The following COMMD10 variants were observed in gnomAD, a reference collection of about 807,000 sequenced individuals.
COMMD10 encodes COMM domain-containing protein 10.
In COMMD10, 33 loss-of-function variants were observed where a neutral mutation model predicts 28.9. The ratio of observed to expected loss-of-function variants is 1.14; its 90% CI spans 0.87 to 1.53. COMMD10 has a LOEUF of 1.53. Among genes scored for constraint, COMMD10 ranks in the 40% most tolerant of loss-of-function variants. The pLI is 0.00. For missense variants in COMMD10, 310 were observed against 233.4 expected, an observed-to-expected ratio of 1.33 and a Z score of -2.14; for synonymous variants, 110 against 81.7, an observed-to-expected ratio of 1.35 and a Z score of -1.87.
chr5:116,164,320 C>CAA lies in COMMD10; in HGVS notation c.510+30149_510+30150dup, dbSNP rs11436948. ...TGGGCAACACAGTGAAACTCGGTCT[C>CAA]AAAAAAAATAAAAATAAAATAAAAA... is the stretch of plus-strand genomic sequence containing the variant. On this transcript the variant is annotated intron_variant, in intron 5 of 6. Coordinates refer to ENST00000274458, the MANE Select transcript of COMMD10 (RefSeq NM_016144.4). 6.0e-3 allele frequency among the ~76,000 whole-genome samples: 905 copies of CAA among 149,646 alleles called. 9 individuals are homozygous for CAA. The highest frequency in any genetic ancestry group is 0.021 in the African/African-American group (878 of 41,172).
chr5:116,101,563 A>T (rs560128752), intron 4 of COMMD10, among the ~76,000 whole-genome samples: 1 of 152,160 alleles, frequency 6.6e-6, no homozygotes, highest in South Asian at 2.1e-4. Context: ...AGTAGCTGGG[A>T]TTACAGGCGC....
At chr5:116,190,639 A>T (rs953146139) in intron 5 of COMMD10, among the ~76,000 whole-genome samples, 6 of 152,206 alleles carry the variant, frequency 3.9e-5, no homozygotes, top group African/African-American at 1.2e-4. Context: ...TTGAGTTGGG[A>T]TTGTAAAGTC....
chr5:116,222,795 G>T (rs1014561318), intron 5 of COMMD10, among the ~76,000 whole-genome samples: 1 of 152,056 alleles, frequency 6.6e-6, no homozygotes, highest in African/African-American at 2.4e-5. Flanking sequence ...AGGTTTAAGC[G>T]ATTCTCCTGC....
intron 5 of COMMD10, among the ~76,000 whole-genome samples, chr5:116,220,280 T>A (rs1056332740): frequency 6.6e-6 from 1 of 152,216 alleles, no homozygotes; most frequent in Non-Finnish European, 1.5e-5. Flanking sequence ...TTCTGTCTCA[T>A]TCATGTTCTT....
chr5:116,239,664 A>G (rs1456209740), intron 5 of COMMD10, among the ~76,000 whole-genome samples: 1 of 152,208 alleles, frequency 6.6e-6, no homozygotes, highest in Non-Finnish European at 1.5e-5. Context: ...CTGTCATTTG[A>G]TCAGAATCTG....
At chr5:116,132,105 A>G (rs1228898059) in intron 4 of COMMD10, among the ~76,000 whole-genome samples, 2 of 151,990 alleles carry the variant, frequency 1.3e-5, no homozygotes, top group African/African-American at 4.8e-5. Flanking sequence ...TTAGAAGACT[A>G]TTGTGATAGT....
chr5:116,248,942 G>A (rs1750036056), intron 5 of COMMD10, among the ~76,000 whole-genome samples: 1 of 151,882 alleles, frequency 6.6e-6, no homozygotes, highest in Non-Finnish European at 1.5e-5. Flanking sequence ...CTTGTTTGGA[G>A]ATTTCTAAAA....
At chr5:116,218,047 A>G in intron 5 of COMMD10, 1 of 1,141,098 alleles carries the variant, frequency 8.8e-7, no homozygotes, top group Admixed American at 1.7e-5. Flanking sequence ...CAGCACCTTC[A>G]GCTTTCTGTG....
At chr5:116,178,782 T>G (rs1399855840) in intron 5 of COMMD10, among the ~76,000 whole-genome samples, 1 of 152,124 alleles carries the variant, frequency 6.6e-6, no homozygotes, top group East Asian at 1.9e-4. Flanking sequence ...GCACAAAAGT[T>G]AATGCCCTGA....
At chr5:116,256,264 G>T (rs1448010115) in intron 5 of COMMD10, among the ~76,000 whole-genome samples, 1 of 151,678 alleles carries the variant, frequency 6.6e-6, no homozygotes, top group Non-Finnish European at 1.5e-5. Flanking sequence ...TTGAAGACTA[G>T]TGGAAACTTC....
In COMMD10 at chr5:116,262,636, A is replaced by G. The variant is rs77521383; in HGVS notation, c.511-28881A>G. Among the ~76,000 whole-genome samples the G allele has an allele frequency of 1.8e-3, 268 of 151,964 alleles. 8 individuals are homozygous for G. Among genetic ancestry groups the G allele is most frequent in the African/African-American group, 6.4e-3 (266 of 41,324 alleles). On this transcript the variant is annotated intron_variant, in intron 5 of 6. Transcript: ENST00000274458. ...GTGAATTATTTTGTAAGTGTTGGTTATTAAGTCTGTGTATTCCCAAGATTT... is the reference window on the plus strand; with the variant it reads ...GTGAATTATTTTGTAAGTGTTGGTTGTTAAGTCTGTGTATTCCCAAGATTT...
intron 5 of COMMD10, among the ~76,000 whole-genome samples, chr5:116,263,815 T>G (rs1194216022): frequency 1.3e-5 from 2 of 151,780 alleles, no homozygotes; most frequent in Non-Finnish European, 2.9e-5. Flanking sequence ...CTTAAATCTA[T>G]TTGATTGATA....
At chr5:116,109,278 T>TA (rs1750960133) in intron 4 of COMMD10, among the ~76,000 whole-genome samples, 1 of 152,130 alleles carries the variant, frequency 6.6e-6, no homozygotes, top group Non-Finnish European at 1.5e-5. Context: ...GCATCTTGGT[T>TA]AAAAAAATAT....
In COMMD10 at chr5:116,115,026, A is replaced by T. The variant is rs368424277; in HGVS notation, c.400-19042A>T. 1.1e-3 allele frequency among the ~76,000 whole-genome samples: 165 copies of T among 152,202 alleles called. 3 individuals carry two copies. In the South Asian group the frequency reaches 0.031, roughly 29 times the overall value. On this transcript the variant is annotated intron_variant, in intron 4 of 6. Transcript: ENST00000274458. The stretch of plus-strand genomic sequence containing the variant: ...CAGGCCCCAGTTCAGCAAACCACAG[A>T]TTGAGTTACTCTGATACTTAGGACT...
At chr5:116,193,441 C>T (rs1344186978) in intron 5 of COMMD10, among the ~76,000 whole-genome samples, 1 of 152,120 alleles carries the variant, frequency 6.6e-6, no homozygotes, top group Non-Finnish European at 1.5e-5. Context: ...ACACCTAACA[C>T]ATAAGGACTC....
At position 116,292,447 on chromosome 5, in the gene COMMD10, A is replaced by G; in HGVS notation, c.571-4A>G. 2 of 1,494,472 alleles carry G rather than the reference A, an allele frequency of 1.3e-6. No homozygotes were observed. The highest frequency in any genetic ancestry group is 1.4e-5 in the South Asian group (1 of 71,062). The allele number at this position is 1,494,472 out of a possible 1,614,324, so 92.6% of individuals were successfully genotyped here. ...TCTTTTTTTTTTTTTGTCTTTGTAA[A>G]TAGCTAGAGACTATACAAGCACAGC... On this transcript the variant is annotated splice_polypyrimidine_tract_variant and splice_region_variant and intron_variant, in intron 6 of 6. Coordinates refer to ENST00000274458, the MANE Select transcript of COMMD10 (RefSeq NM_016144.4).
intron 5 of COMMD10, among the ~76,000 whole-genome samples, chr5:116,193,797 A>G (rs1171010373): frequency 6.6e-6 from 1 of 152,178 alleles, no homozygotes; most frequent in South Asian, 2.1e-4. Flanking sequence ...ATGAATTTGT[A>G]CCTTGGAACA....
At chr5:116,091,522 A>T (rs1051518580) in intron 3 of COMMD10, among the ~76,000 whole-genome samples, 1 of 152,102 alleles carries the variant, frequency 6.6e-6, no homozygotes, top group Non-Finnish European at 1.5e-5. Flanking sequence ...GAAAAGAAGT[A>T]TTGTCATATT....
intron 5 of COMMD10, among the ~76,000 whole-genome samples, chr5:116,287,331 T>C (rs1425187164): frequency 1.3e-5 from 2 of 151,632 alleles, no homozygotes. Flanking sequence ...ATATAATGTC[T>C]TTCTTTGTGT....
Sources: gnomAD v4.1 joint callset for allele counts (sites outside exome capture counted in the v4.1 genomes callset) on GRCh38, gnomAD v4.1.1 for gene constraint, MANE v1.5 for transcripts, NCBI Gene and HGNC (gene_info 2026-07-23, HGNC 2026-07-21) for gene names.